The following SRGN variants were observed in gnomAD, a reference collection of about 807,000 sequenced individuals.
SRGN encodes serglycin.
Under a neutral mutation model 9.5 loss-of-function variants are expected in SRGN, and 2 were observed. The observed-to-expected ratio is 0.21, with a 90% CI of 0.09 to 0.66. The LOEUF (loss-of-function observed/expected upper bound fraction) is 0.66, where lower values mean the gene tolerates loss of function less well. Among genes scored for constraint, SRGN ranks in the 30% least tolerant of loss-of-function variants. The pLI, the probability that SRGN is intolerant of heterozygous loss-of-function variation, is 0.83. For synonymous variants in SRGN, 59 were observed against 72.3 expected, an observed-to-expected ratio of 0.82 and a Z score of 0.93; for missense variants, 170 against 192.4, an observed-to-expected ratio of 0.88 and a Z score of 0.69.
intron 2 of SRGN, among the ~76,000 whole-genome samples, chr10:69,101,246 T>C (rs1377652566): frequency 6.6e-6 from 1 of 152,192 alleles, no homozygotes; most frequent in East Asian, 1.9e-4. Context: ...ATTACAGGCA[T>C]GAGCCACTGT....
intron 1 of SRGN, among the ~76,000 whole-genome samples, chr10:69,095,288 A>G (rs1428459591): frequency 6.7e-6 from 1 of 149,334 alleles, no homozygotes; most frequent in African/African-American, 2.5e-5. Flanking sequence ...AGCCAGGGCA[A>G]CAGAGCGAGA....
chr10:69,091,013 C>CA (rs1308622236), intron 1 of SRGN, among the ~76,000 whole-genome samples: 1 of 152,186 alleles, frequency 6.6e-6, no homozygotes, highest in Non-Finnish European at 1.5e-5. Flanking sequence ...TCCTAGCTCA[C>CA]AGGAATGATA....
At chr10:69,090,423 CAG>C (rs1840027465) in intron 1 of SRGN, among the ~76,000 whole-genome samples, 1 of 152,168 alleles carries the variant, frequency 6.6e-6, no homozygotes. Context: ...GCTTAAATAA[CAG>C]AAATGTATTT....
intron 2 of SRGN, among the ~76,000 whole-genome samples, chr10:69,101,952 G>C (rs1474596103): frequency 6.6e-6 from 1 of 152,092 alleles, no homozygotes; most frequent in Non-Finnish European, 1.5e-5. Context: ...AGGAAGCTGA[G>C]GTGGGAGGAT....
At chr10:69,099,565 A>G (rs1840248916) in intron 2 of SRGN, among the ~76,000 whole-genome samples, 1 of 152,014 alleles carries the variant, frequency 6.6e-6, no homozygotes, top group South Asian at 2.1e-4. Flanking sequence ...TCAGCCTCCC[A>G]AAGTGCCGGA....
chr10:69,101,973 C>T (rs1048294009), intron 2 of SRGN, among the ~76,000 whole-genome samples: 2 of 151,870 alleles, frequency 1.3e-5, no homozygotes, highest in Non-Finnish European at 1.5e-5. Context: ...GGCTTGAGTC[C>T]GGGAGGGTGA....
chr10:69,096,941 C>A (rs183759678), intron 1 of SRGN, 143 bp from the exon 2 acceptor site: 5 of 671,530 alleles, frequency 7.4e-6, no homozygotes, highest in Non-Finnish European at 1.2e-5. Context: ...TTGCAGTGAG[C>A]TATGATCACA....
In SRGN at chr10:69,103,897, G is replaced by C. The variant is rs186846312; in HGVS notation, c.254G>C (p.Arg85Pro). 2 of 1,613,752 alleles carry C rather than the reference G, an allele frequency of 1.2e-6. No individual in the cohort carries two copies. The highest frequency in any genetic ancestry group is 1.7e-6 in the Non-Finnish European group (2 of 1,179,858). ...FPKTRIQDLN[R>P]IFPLSEDYSG... ...AAGACGAGAATCCAGGACTTGAATC[G>C]TATCTTCCCACTTTCTGAGGACTAC... The change falls in exon 3 of 3, where the codon CGT becomes CCT. Residue 85 changes from arginine (R) to proline (P), a missense_variant. Coordinates refer to ENST00000242465, the MANE Select transcript of SRGN (RefSeq NM_002727.4).
Position 69,103,972 on chromosome 10 carries a change from G to A in SRGN, c.329G>A (p.Ser110Asn). ...SGSGSGSGSGSGFLTEMEQDY... is the reference protein window; with the variant it reads ...SGSGSGSGSGNGFLTEMEQDY... ...TCCGGCTCTGGATCAGGATCTGGGAGTGGCTTCCTAACGGAAATGGAACAG... is the reference window on the plus strand; with the variant it reads ...TCCGGCTCTGGATCAGGATCTGGGAATGGCTTCCTAACGGAAATGGAACAG... The change falls in exon 3 of 3, where the codon AGT becomes AAT. Residue 110 changes from serine to asparagine, a missense_variant. Transcript: ENST00000242465. 6.2e-7 allele frequency: 1 copy of A among 1,614,202 alleles called. No homozygotes were observed. Among genetic ancestry groups the A allele is most frequent in the Non-Finnish European group, 8.5e-7 (1 of 1,180,054 alleles).
At position 69,088,115 on chromosome 10, in the gene SRGN, C is replaced by T. The variant is rs749681083; in HGVS notation, c.-43C>T. 1.3e-6 allele frequency: 2 copies of T among 1,561,802 alleles called. No individual in the cohort carries two copies. The highest frequency in any genetic ancestry group is 2.2e-5 in the South Asian group (2 of 89,982). ...AGAGCACCCTGCTACATTTCCTAAT[C>T]AAGAAGTTGGCGTGCAGCTGGGAGA... On this transcript the variant is annotated 5_prime_UTR_variant, in exon 1 of 3. Coordinates refer to ENST00000242465, the MANE Select transcript of SRGN (RefSeq NM_002727.4).
At chr10:69,093,109 T>TC (rs1167713531) in intron 1 of SRGN, among the ~76,000 whole-genome samples, 1 of 152,218 alleles carries the variant, frequency 6.6e-6, no homozygotes, top group Non-Finnish European at 1.5e-5. Context: ...ACTCAGTGCA[T>TC]CAGCGGCTTG....
chr10:69,099,643 C>T (rs1487257822), intron 2 of SRGN, among the ~76,000 whole-genome samples: 1 of 152,088 alleles, frequency 6.6e-6, no homozygotes, highest in Non-Finnish European at 1.5e-5. Flanking sequence ...TTCTCCATCA[C>T]TGGTATTCAC....
intron 1 of SRGN, among the ~76,000 whole-genome samples, chr10:69,089,739 C>T (rs1485415624): frequency 6.6e-6 from 1 of 151,012 alleles, no homozygotes; most frequent in Non-Finnish European, 1.5e-5. Flanking sequence ...ACCAAAAATA[C>T]AAAAAAATTA....
chr10:69,097,246 C>T lies in SRGN; in HGVS notation c.227+15C>T. 6.3e-7 allele frequency: 1 copy of T among 1,597,386 alleles called. No individual in the cohort carries two copies. Among genetic ancestry groups the T allele is most frequent in the East Asian group, 2.2e-5 (1 of 44,688 alleles). ...GACCTTTTTCCGTAAGTGGACTTTT[C>T]TCTAATTAATTAATTAATTACTTAT... On this transcript the variant is annotated intron_variant, in intron 2 of 2. Coordinates refer to ENST00000242465, the MANE Select transcript of SRGN (RefSeq NM_002727.4).
chr10:69,099,712 C>T (rs1282618573), intron 2 of SRGN, among the ~76,000 whole-genome samples: 1 of 152,204 alleles, frequency 6.6e-6, no homozygotes, highest in Non-Finnish European at 1.5e-5. Context: ...CCTACTCTTG[C>T]ATTCTTACTT....
At chr10:69,096,947 T>C in intron 1 of SRGN, 137 bp from the exon 2 acceptor site, 2 of 757,566 alleles carry the variant, frequency 2.6e-6, no homozygotes, top group Non-Finnish European at 4.0e-6. Flanking sequence ...TGAGCTATGA[T>C]CACAGTACTG....
At chr10:69,097,480 G>T (rs1197911655) in intron 2 of SRGN, among the ~76,000 whole-genome samples, 1 of 148,082 alleles carries the variant, frequency 6.8e-6, no homozygotes, top group African/African-American at 2.5e-5. Flanking sequence ...AGGCTGGAGT[G>T]CAGTGGCGCA....
At chr10:69,096,018 C>A (rs943380624) in intron 1 of SRGN, among the ~76,000 whole-genome samples, 1 of 152,188 alleles carries the variant, frequency 6.6e-6, no homozygotes, top group South Asian at 2.1e-4. Context: ...AGCTGAGACT[C>A]AGATATTCCA....
chr10:69,100,985 CTT>C (rs113937899), intron 2 of SRGN, among the ~76,000 whole-genome samples: 9 of 144,028 alleles, frequency 6.2e-5, no homozygotes, highest in South Asian at 2.2e-4. Context: ...TTCTTTCTTT[CTT>C]TTTTTTTTTT....
Sources: allele counts gnomAD v4.1 joint callset (sites outside exome capture counted in the v4.1 genomes callset), GRCh38; gene constraint gnomAD v4.1.1; transcripts MANE v1.5; gene names NCBI Gene and HGNC (gene_info 2026-07-23, HGNC 2026-07-21).